Variants in TENM3 observed in about 807,000 individuals in gnomAD.
TENM3 encodes teneurin transmembrane protein 3.
In TENM3, 63 loss-of-function variants were observed where a neutral mutation model predicts 255.1. The observed-to-expected ratio is 0.25, with a 90% confidence interval of 0.20 to 0.30. TENM3 has a LOEUF of 0.30. Ranked by LOEUF, TENM3 falls within the 10% of genes least tolerant of loss-of-function variation. The pLI is 1.00. For synonymous variants in TENM3, 1,306 were observed against 1,322.3 expected (o/e 0.99, Z 0.27); for missense variants, 2,929 against 3,461.1 (o/e 0.85, Z 3.86).
chr4:181,660,014 C>T, the TENM3 span, among the ~76,000 whole-genome samples: 1 of 152,016 alleles, frequency 6.6e-6, no homozygotes, highest in Non-Finnish European at 1.5e-5. Flanking sequence ...CTGCGGTGGT[C>T]CTTCCTAGGA....
chr4:182,346,391 T>C (rs900293443), intron 2 of TENM3, among the ~76,000 whole-genome samples: 1 of 152,130 alleles, frequency 6.6e-6, no homozygotes, highest in African/African-American at 2.4e-5. Flanking sequence ...GCCACTTTAC[T>C]TGCCCATCTC....
intron 3 of TENM3, among the ~76,000 whole-genome samples, chr4:182,549,073 T>C (rs1741748587): frequency 1.3e-5 from 2 of 152,218 alleles, no homozygotes; most frequent in Non-Finnish European, 2.9e-5. Flanking sequence ...TAAGGTAAGA[T>C]AGAATTTTAA....
At chr4:181,493,551 A>G in the TENM3 span, among the ~76,000 whole-genome samples, 2 of 151,992 alleles carry the variant, frequency 1.3e-5, no homozygotes, top group Non-Finnish European at 2.9e-5. Flanking sequence ...AACATGGTGA[A>G]ACCCCGTCTC....
At chr4:182,269,718 G>A (rs894336269) in intron 1 of TENM3, among the ~76,000 whole-genome samples, 11 of 152,140 alleles carry the variant, frequency 7.2e-5, no homozygotes, top group Admixed American at 1.3e-4. Flanking sequence ...CCCAGTTATC[G>A]TAATTAAGGG....
the TENM3 span, among the ~76,000 whole-genome samples, chr4:181,553,039 C>T: frequency 2.6e-5 from 4 of 152,132 alleles, no homozygotes; most frequent in Non-Finnish European, 5.9e-5. Context: ...CTGCACAAAT[C>T]ATGTTTGATT....
chr4:181,908,168 T>G, the TENM3 span, among the ~76,000 whole-genome samples: 2 of 152,210 alleles, frequency 1.3e-5, no homozygotes, highest in Non-Finnish European at 2.9e-5. Context: ...ATCAGTTGAT[T>G]CTTAGGTTGT....
At chr4:181,527,263 A>C in the TENM3 span, among the ~76,000 whole-genome samples, 1 of 152,216 alleles carries the variant, frequency 6.6e-6, no homozygotes, top group African/African-American at 2.4e-5. Context: ...ACTTTTTGTA[A>C]ATGGATTCCC....
chr4:182,172,227 G>T (rs1752156946), intron 1 of TENM3, among the ~76,000 whole-genome samples: 1 of 152,106 alleles, frequency 6.6e-6, no homozygotes, highest in African/African-American at 2.4e-5. Context: ...ATTAACACTG[G>T]ATGTGTATTT....
At chr4:181,612,882 A>G in the TENM3 span, among the ~76,000 whole-genome samples, 75 of 152,328 alleles carry the variant, frequency 4.9e-4, 1 homozygote, top group East Asian at 0.014. Context: ...CACTATTTTC[A>G]TACCAATTTG....
chr4:182,054,749 C>G, the TENM3 span, among the ~76,000 whole-genome samples: 1 of 152,068 alleles, frequency 6.6e-6, no homozygotes, highest in African/African-American at 2.4e-5. Flanking sequence ...TGTATCAAAA[C>G]ATCTCATGTG....
intron 3 of TENM3, among the ~76,000 whole-genome samples, chr4:182,442,721 A>T (rs1326436715): frequency 6.6e-6 from 1 of 151,902 alleles, no homozygotes; most frequent in Non-Finnish European, 1.5e-5. Flanking sequence ...CCTCCAGACT[A>T]ACTGGGACTA....
the TENM3 span, among the ~76,000 whole-genome samples, chr4:181,776,797 G>A: frequency 6.6e-6 from 1 of 151,858 alleles, no homozygotes; most frequent in African/African-American, 2.4e-5. Flanking sequence ...TCTTTCTGCT[G>A]TTGAGTTTTT....
chr4:182,455,879 T>C (rs1020311613), intron 3 of TENM3, among the ~76,000 whole-genome samples: 3 of 152,152 alleles, frequency 2.0e-5, no homozygotes, highest in Non-Finnish European at 4.4e-5. Context: ...GCATTTCTTG[T>C]GGCTCCTCCT....
At chr4:182,779,817 G>A (rs902743218) in intron 24 of TENM3, among the ~76,000 whole-genome samples, 2 of 152,198 alleles carry the variant, frequency 1.3e-5, no homozygotes, top group African/African-American at 2.4e-5. Flanking sequence ...CAGTGATGAT[G>A]AGCATTTTTT....
the TENM3 span, among the ~76,000 whole-genome samples, chr4:181,745,989 G>A: frequency 6.6e-6 from 1 of 152,196 alleles, no homozygotes; most frequent in Non-Finnish European, 1.5e-5. Context: ...AGTGGAGCAA[G>A]TGAGTTGATA....
chr4:181,714,688 GGATGTGATT>G, the TENM3 span, among the ~76,000 whole-genome samples: 10 of 152,048 alleles, frequency 6.6e-5, no homozygotes, highest in Non-Finnish European at 1.3e-4. Context: ...GTTAAAATGT[GGATGTGATT>G]GATGCTGGAG....
At chr4:182,121,884 A>G in the TENM3 span, among the ~76,000 whole-genome samples, 1 of 152,206 alleles carries the variant, frequency 6.6e-6, no homozygotes, top group East Asian at 1.9e-4. Context: ...GTGTGATGCT[A>G]TTTGATAGCA....
At chr4:181,783,382 C>T in the TENM3 span, among the ~76,000 whole-genome samples, 5 of 152,068 alleles carry the variant, frequency 3.3e-5, no homozygotes, top group Admixed American at 3.3e-4. Flanking sequence ...GCTTTGTTTT[C>T]TTCTGTACTC....
intron 1 of TENM3, among the ~76,000 whole-genome samples, chr4:182,189,305 A>G (rs1753360869): frequency 6.6e-6 from 1 of 152,066 alleles, no homozygotes; most frequent in African/African-American, 2.4e-5. Flanking sequence ...AAATGTCACC[A>G]GTACATCAAT....
Sources: allele counts gnomAD v4.1 joint callset (sites outside exome capture counted in the v4.1 genomes callset), GRCh38; gene constraint gnomAD v4.1.1; transcripts MANE v1.5; gene names NCBI Gene and HGNC (gene_info 2026-07-23, HGNC 2026-07-21).